The following SLC35B3 variants were observed in gnomAD, a reference collection of about 807,000 sequenced individuals.
SLC35B3 encodes the protein solute carrier family 35 member B3.
A neutral mutation model predicts 44.1 loss-of-function variants in SLC35B3; 35 were observed. That is an observed-to-expected ratio of 0.79 (90% confidence interval 0.61 to 1.05). SLC35B3 has a LOEUF of 1.05. Ranked by LOEUF, SLC35B3 falls within the 50% of genes least tolerant of loss-of-function variation. The probability of loss-of-function intolerance (pLI) is 0.00; values close to 1 mark genes in which losing one functional copy is unlikely to be tolerated. For missense variants in SLC35B3, 414 were observed against 476.4 expected (o/e 0.87, Z 1.22); for synonymous variants, 146 against 167.3 (o/e 0.87, Z 0.98).
chr6:8,428,479 C>G (rs1318379903), intron 3 of SLC35B3, among the ~76,000 whole-genome samples: 2 of 152,024 alleles, frequency 1.3e-5, no homozygotes. Context: ...CACTTCATTA[C>G]CAAACCCCAA....
Position 8,419,849 on chromosome 6 carries a change from A to G in SLC35B3, c.683-172T>C, listed in dbSNP as rs1762737796. ...ATTCACAATCGGTTGTAACAAGTAC[A>G]TATGTGATGATATTAAAAAAGATAT... On this transcript the variant is annotated intron_variant, in intron 6 of 10. Transcript: ENST00000644923. The surrounding 1 kb of genome is among the most constrained non-coding windows in gnomAD (Gnocchi z 4.3). Among the ~76,000 whole-genome samples, 1 of 152,170 alleles carries G rather than the reference A, an allele frequency of 6.6e-6. No individual in the cohort carries two copies. Among genetic ancestry groups the G allele is most frequent in the Admixed American group, 6.5e-5 (1 of 15,280 alleles).
Position 8,428,034 on chromosome 6 carries a change from A to G in SLC35B3, c.322T>C (p.Phe108Leu), listed in dbSNP as rs750284085. Residue 108 changes from phenylalanine to leucine, a missense_variant, in exon 4 of 11, where the codon TTT (phenylalanine) becomes CTT (leucine). Physicochemically the swap from Phe to Leu is conservative, Grantham distance 22 (BLOSUM62 0). Coordinates refer to ENST00000644923, the MANE Select transcript of SLC35B3 (RefSeq NM_001370476.2). The stretch of plus-strand genomic sequence containing the variant: ...GTAAGGTACCAGCCACAGGACTTAA[A>G]ACCCTCCACTGAAAATATTAATTCC... 1 of 1,597,606 alleles carries G rather than the reference A, an allele frequency of 6.3e-7. No homozygotes were observed. The highest frequency in any genetic ancestry group is 8.5e-7 in the Non-Finnish European group (1 of 1,172,142).
chr6:8,432,426 C>A lies in SLC35B3; in HGVS notation c.3+1959G>T, dbSNP rs1198719991. 6.6e-6 allele frequency among the ~76,000 whole-genome samples: 1 copy of A among 152,044 alleles called. No homozygotes were observed. The highest frequency in any genetic ancestry group is 2.4e-5 in the African/African-American group (1 of 41,404). On this transcript the variant is annotated intron_variant, in intron 2 of 10. Transcript: ENST00000644923. This position sits in a 1 kb window ranked among gnomAD's most constrained non-coding sequence, Gnocchi z 4.8. ...AGAAGGTCACGCTTTCCCAAAGTCA[C>A]CTTCTTCTGAGATGTTTGTAATTTA...
rs1300928022 is a variant in SLC35B3, at chr6:8,412,840, A to T, written c.*709T>A. 6.6e-6 allele frequency among the ~76,000 whole-genome samples: 1 copy of T among 152,166 alleles called. No homozygotes were observed. The highest frequency in any genetic ancestry group is 1.5e-5 in the Non-Finnish European group (1 of 68,030). On this transcript the variant is annotated 3_prime_UTR_variant, in exon 11 of 11. Coordinates refer to ENST00000644923, the MANE Select transcript of SLC35B3 (RefSeq NM_001370476.2). ...AATCTAACGCTGCTGCTGATCTGAC[A>T]GGAAGTGGAGCTCAGATGGTAATGC...
intron 2 of SLC35B3, among the ~76,000 whole-genome samples, chr6:8,430,730 A>G (rs2113527837): frequency 6.6e-6 from 1 of 152,064 alleles, no homozygotes; most frequent in East Asian, 1.9e-4. Flanking sequence ...ATAAAATAAA[A>G]TAAAATAAAA....
At position 8,414,959 on chromosome 6, in the gene SLC35B3, G is replaced by T. The variant is rs1282550036; in HGVS notation, c.1004C>A (p.Ala335Glu). The change falls in exon 10 of 11, where the codon GCA becomes GAA. Residue 335 changes from alanine (A) to glutamate (E), a missense_variant. Physicochemically the swap from Ala to Glu is moderately radical, Grantham distance 107. Transcript: ENST00000644923. The stretch of plus-strand genomic sequence containing the variant: ...TATAAACGAAAGTACAATGGTCATT[G>T]CTTTTCTTCCTGTTGTCACTGTAGG... 6.2e-7 allele frequency: 1 copy of T among 1,604,846 alleles called. No individual in the cohort carries two copies. The highest frequency in any genetic ancestry group is 2.2e-5 in the East Asian group (1 of 44,718).
At position 8,434,275 on chromosome 6, in the gene SLC35B3, CA is replaced by C. The variant is rs1287448834; in HGVS notation, c.3+109del. ...GACCTGAAGGACAAAAGTCCCACAC[CA>C]AAAAAAGGTAGAATATGAAAAAAAA... is the stretch of plus-strand genomic sequence containing the variant. On this transcript the variant is annotated intron_variant, in intron 2 of 10. Coordinates refer to ENST00000644923, the MANE Select transcript of SLC35B3 (RefSeq NM_001370476.2). This position sits in a 1 kb window ranked among gnomAD's most constrained non-coding sequence, Gnocchi z 6.3. 4.8e-5 allele frequency: 50 copies of C among 1,040,072 alleles called. No homozygotes were observed. The highest frequency in any genetic ancestry group is 2.2e-4 in the Admixed American group (11 of 50,984). The allele number at this position is 1,040,072 out of a possible 1,614,324, so 64.4% of individuals were successfully genotyped here.
Position 8,419,595 on chromosome 6 carries a change from A to G in SLC35B3, c.765T>C (p.Ala255=). Residue 255 remains alanine (A), a synonymous_variant, in exon 7 of 11, where the codon GCT becomes GCC. Coordinates refer to ENST00000644923, the MANE Select transcript of SLC35B3 (RefSeq NM_001370476.2). The surrounding 1 kb of genome is among the most constrained non-coding windows in gnomAD (Gnocchi z 4.3). Reference sequence around the variant, plus strand: ...GAGTATTTACCATTTCAGAATTAGAAGCATTATGAAGTTTCATAGCTTTCT... The same window carrying G: ...GAGTATTTACCATTTCAGAATTAGAGGCATTATGAAGTTTCATAGCTTTCT... 2 of 1,539,980 alleles carry G rather than the reference A, an allele frequency of 1.3e-6. No individual in the cohort carries two copies. Among genetic ancestry groups the G allele is most frequent in the Admixed American group, 1.8e-5 (1 of 55,436 alleles).
chr6:8,431,242 ATTTTC>A (rs1362441771), intron 2 of SLC35B3, among the ~76,000 whole-genome samples: 10 of 152,190 alleles, frequency 6.6e-5, no homozygotes, highest in Non-Finnish European at 1.3e-4. Flanking sequence ...AGAAAAAGTT[ATTTTC>A]TTAGAAACGA....
chr6:8,412,197 C>G lies in SLC35B3; in HGVS notation c.*1352G>C, dbSNP rs1382104716. 1.3e-5 allele frequency among the ~76,000 whole-genome samples: 2 copies of G among 152,140 alleles called. No homozygotes were observed. Among genetic ancestry groups the G allele is most frequent in the Non-Finnish European group, 2.9e-5 (2 of 68,036 alleles). ...CAGGCTCTCACCAAATCTGCCAGCA[C>G]CTCCATCTTGGACTTCCAGACATCA... is the stretch of plus-strand genomic sequence containing the variant. On this transcript the variant is annotated 3_prime_UTR_variant, in exon 11 of 11. Coordinates refer to ENST00000644923, the MANE Select transcript of SLC35B3 (RefSeq NM_001370476.2).
rs1360855 is a variant in SLC35B3 at position 8,431,941 on chromosome 6, G to T, written c.4-1784C>A. ...AATACACCAGGGACTTTAAAACACCGCTGCCTTCTGTTCATGATGTCCTTT... is the reference window on the plus strand; with the variant it reads ...AATACACCAGGGACTTTAAAACACCTCTGCCTTCTGTTCATGATGTCCTTT... On this transcript the variant is annotated intron_variant, in intron 2 of 10. Coordinates refer to ENST00000644923, the MANE Select transcript of SLC35B3 (RefSeq NM_001370476.2). Among the ~76,000 whole-genome samples, 3 of 151,962 alleles carry T rather than the reference G, an allele frequency of 2.0e-5. No homozygotes were observed. In the East Asian group the frequency reaches 5.8e-4, roughly 30 times the overall value.
rs1417458854 is a variant in SLC35B3, at chr6:8,412,684, CAG to C, written c.*863_*864del. ...AAGACAATTTTTCCATGGACTGGGA[CAG>C]GGGATGGTTTCAGGATAAAACTATG... On this transcript the variant is annotated 3_prime_UTR_variant, in exon 11 of 11. Coordinates refer to ENST00000644923, the MANE Select transcript of SLC35B3 (RefSeq NM_001370476.2). 1.3e-5 allele frequency among the ~76,000 whole-genome samples: 2 copies of C among 152,264 alleles called. No homozygotes were observed. Among genetic ancestry groups the C allele is most frequent in the African/African-American group, 2.4e-5 (1 of 41,552 alleles).
Position 8,413,590 on chromosome 6 carries a change from CT to C in SLC35B3, c.1164del (p.Val389TrpfsTer16), listed in dbSNP as rs1248851876. ...AGCGTCCTTGACTTTCTTGCTTCCA[CT>C]GATTTGTTTATCAAATCATACAGTG... On this transcript the variant is annotated frameshift_variant, in exon 11 of 11. Transcript: ENST00000644923. LOFTEE classifies it high-confidence loss of function. The C allele has an allele frequency of 6.2e-7, 1 of 1,609,602 alleles. No homozygotes were observed. The highest frequency in any genetic ancestry group is 8.5e-7 in the Non-Finnish European group (1 of 1,178,180).
intron 2 of SLC35B3, among the ~76,000 whole-genome samples, chr6:8,430,558 A>G (rs373685028): frequency 2.6e-5 from 4 of 152,064 alleles, no homozygotes; most frequent in African/African-American, 9.7e-5. Flanking sequence ...TCTAAGATAT[A>G]TTTGCTAATG....
At chr6:8,427,507 T>G (rs1162480267) in intron 4 of SLC35B3, among the ~76,000 whole-genome samples, 1 of 152,228 alleles carries the variant, frequency 6.6e-6, no homozygotes, top group African/African-American at 2.4e-5. Context: ...TGTGTCACAT[T>G]GGCACTCAAA....
rs372758023 is a variant in SLC35B3, at chr6:8,420,722, C to G, written c.681G>C (p.Thr227=). Residue 227 remains threonine (T), a splice_region_variant and synonymous_variant, in exon 6 of 11, where the codon ACG becomes ACC. Coordinates refer to ENST00000644923, the MANE Select transcript of SLC35B3 (RefSeq NM_001370476.2). This position sits in a 1 kb window ranked among gnomAD's most constrained non-coding sequence, Gnocchi z 4.4. Reference sequence around the variant, plus strand: ...TAGGAATATAAATAAATTACTTACCCGTCAGGTTGAAATTTGGTGCAGTTG... The same window carrying G: ...TAGGAATATAAATAAATTACTTACCGGTCAGGTTGAAATTTGGTGCAGTTG... 6.1e-5 allele frequency: 98 copies of G among 1,607,166 alleles called. No homozygotes were observed. Among genetic ancestry groups the G allele is most frequent in the Non-Finnish European group, 7.8e-5 (92 of 1,174,984 alleles).
At chr6:8,423,390 T>C (rs1307428119) in intron 4 of SLC35B3, among the ~76,000 whole-genome samples, 1 of 145,648 alleles carries the variant, frequency 6.9e-6, no homozygotes, top group East Asian at 2.0e-4. Flanking sequence ...GTTATAATAA[T>C]CAACTTTTAA....
In SLC35B3 at chr6:8,420,499, T is replaced by C. The variant is rs948623522; in HGVS notation, c.682+222A>G. Among the ~76,000 whole-genome samples, 2 of 152,228 alleles carry C rather than the reference T, an allele frequency of 1.3e-5. No individual in the cohort carries two copies. The highest frequency in any genetic ancestry group is 4.8e-5 in the African/African-American group (2 of 41,466). On this transcript the variant is annotated intron_variant, in intron 6 of 10. Coordinates refer to ENST00000644923, the MANE Select transcript of SLC35B3 (RefSeq NM_001370476.2). The surrounding 1 kb of genome is among the most constrained non-coding windows in gnomAD (Gnocchi z 4.4). ...CAAATCTGAGTCAACACTTCATTCC[T>C]GAGAAGCATCAAAATGCATGCACAC...
At chr6:8,422,696 T>C (rs762525292) in intron 4 of SLC35B3, 72 bp from the exon 4 acceptor site, 81 of 1,185,704 alleles carry the variant, frequency 6.8e-5, no homozygotes, top group Middle Eastern at 2.0e-4. Context: ...TGTGTTCACA[T>C]TGTGTAAATG....
Sources: allele counts gnomAD v4.1 joint callset (sites outside exome capture counted in the v4.1 genomes callset), GRCh38; gene constraint gnomAD v4.1.1; non-coding constraint Gnocchi (gnomAD v3.1); transcripts MANE v1.5; gene names NCBI Gene and HGNC (gene_info 2026-07-23, HGNC 2026-07-21).